Variants in GVQW3 observed in about 807,000 individuals in gnomAD.
The protein encoded by GVQW3 is protein GVQW3.
Under a neutral mutation model 12.5 loss-of-function variants are expected in GVQW3, and 7 were observed. The observed-to-expected ratio is 0.56, with a 90% CI of 0.32 to 1.05. The LOEUF (loss-of-function observed/expected upper bound fraction) is 1.05, where lower values mean the gene tolerates loss of function less well. Among genes scored for constraint, GVQW3 ranks in the 50% least tolerant of loss-of-function variants. The pLI is 0.04. For missense variants in GVQW3, 188 were observed against 190.8 expected (o/e 0.99, Z 0.09); for synonymous variants, 71 against 67.2 (o/e 1.06, Z -0.28).
intron 1 of GVQW3, among the ~76,000 whole-genome samples, chr11:76,401,082 A>G (rs1176117303): frequency 2.6e-5 from 4 of 151,158 alleles, no homozygotes; most frequent in African/African-American, 9.7e-5. Context: ...TATGTTGCCC[A>G]AGCTGCTCTT....
Position 76,382,166 on chromosome 11 carries a change from A to G in GVQW3, c.338A>G (p.Asn113Ser). 4 of 1,536,268 alleles carry G rather than the reference A, an allele frequency of 2.6e-6. No individual in the cohort carries two copies. The highest frequency in any genetic ancestry group is 3.5e-6 in the Non-Finnish European group (4 of 1,146,942). Residue 113 changes from asparagine (N) to serine (S), a missense_variant, in exon 1 of 2, where the codon AAC becomes AGC. Physicochemically the swap from Asn to Ser is conservative, Grantham distance 46. Transcript: ENST00000529331. ...AGGCTCATTTTGAAAGAAAACTTGAACATGAGGAAGATTTCTGCAAAAGTT... is the reference window on the plus strand; with the variant it reads ...AGGCTCATTTTGAAAGAAAACTTGAGCATGAGGAAGATTTCTGCAAAAGTT... Reference protein sequence around the residue: ...TVRLILKENLNMRKISAKVIS... With the variant: ...TVRLILKENLSMRKISAKVIS...
downstream of GVQW3, among the ~76,000 whole-genome samples, chr11:76,409,375 G>T (rs946679037): frequency 1.4e-4 from 22 of 152,154 alleles, no homozygotes; most frequent in African/African-American, 4.8e-4. Flanking sequence ...TTTAGGGGAA[G>T]AACTTTCTAT....
intron 1 of GVQW3, 93 bp downstream of exon 1, chr11:76,382,386 C>T: frequency 2.4e-6 from 2 of 825,180 alleles, no homozygotes; most frequent in Non-Finnish European, 4.0e-6. Context: ...ACTACTCTGC[C>T]AGTCAGCTTC....
At chr11:76,400,375 A>G (rs568219496) in intron 1 of GVQW3, among the ~76,000 whole-genome samples, 14 of 150,642 alleles carry the variant, frequency 9.3e-5, no homozygotes, top group African/African-American at 3.4e-4. Context: ...CAGCCTCCCA[A>G]AGTGCTGGGA....
At chr11:76,393,170 A>C (rs532973747) in intron 1 of GVQW3, among the ~76,000 whole-genome samples, 37 of 152,248 alleles carry the variant, frequency 2.4e-4, no homozygotes, top group Non-Finnish European at 4.0e-4. Context: ...AAAAATTAAA[A>C]ATTGTAGAAT....
At chr11:76,386,547 G>A (rs1441302286) in intron 1 of GVQW3, among the ~76,000 whole-genome samples, 4 of 152,214 alleles carry the variant, frequency 2.6e-5, no homozygotes, top group Non-Finnish European at 5.9e-5. Context: ...TTGGGGAATT[G>A]TCTGTCATTG....
intron 1 of GVQW3, among the ~76,000 whole-genome samples, chr11:76,401,038 TA>T (rs375129032): frequency 4.5e-4 from 66 of 147,144 alleles, no homozygotes; most frequent in Non-Finnish European, 6.4e-4. Context: ...TATATATATA[TA>T]TATTTTTTCT....
chr11:76,390,695 C>T (rs1393973381), intron 1 of GVQW3, among the ~76,000 whole-genome samples: 2 of 152,094 alleles, frequency 1.3e-5, no homozygotes, highest in South Asian at 2.1e-4. Flanking sequence ...GGCGCGGTGG[C>T]GGGCGCCTGT....
rs1391920320 is a variant in GVQW3, at chr11:76,403,788, C to T, written c.*30C>T. ...CCATGCCAAGCCAAAACCAGGAGTT[C>T]AATGGTGTAAATTCCAGTCTGAGTC... On this transcript the variant is annotated 3_prime_UTR_variant, in exon 2 of 2. Coordinates refer to ENST00000529331, the MANE Select transcript of GVQW3 (RefSeq NM_001347885.2). 2 of 589,640 alleles carry T rather than the reference C, an allele frequency of 3.4e-6. No homozygotes were observed. The highest frequency in any genetic ancestry group is 3.7e-5 in the African/African-American group (2 of 53,998). The allele number at this position is 589,640 out of a possible 1,614,324, so 36.5% of individuals were successfully genotyped here.
chr11:76,401,679 A>G (rs1352015247), intron 1 of GVQW3, among the ~76,000 whole-genome samples: 1 of 150,732 alleles, frequency 6.6e-6, no homozygotes, highest in Non-Finnish European at 1.5e-5. Context: ...AGGCTGAGGC[A>G]GGAGAACCAC....
intron 1 of GVQW3, among the ~76,000 whole-genome samples, chr11:76,398,605 G>T (rs148566589): frequency 6.6e-6 from 1 of 152,132 alleles, no homozygotes; most frequent in Non-Finnish European, 1.5e-5. Flanking sequence ...GAGCCACTGT[G>T]CCTGGCCTCA....
In GVQW3 at chr11:76,382,486, G is replaced by C. The variant is rs1355859888; in HGVS notation, c.465+193G>C. ...AGAGGAATGTGAGTTAGCTGAACCA[G>C]AACTAGGATGCTGCCTCACTGTTAG... On this transcript the variant is annotated intron_variant, in intron 1 of 1. Coordinates refer to ENST00000529331, the MANE Select transcript of GVQW3 (RefSeq NM_001347885.2). 4.8e-6 allele frequency: 3 copies of C among 627,396 alleles called. No individual in the cohort carries two copies. In the Admixed American group the frequency reaches 8.2e-5, roughly 17 times the overall value. The allele number at this position is 627,396 out of a possible 1,614,324, so 38.9% of individuals were successfully genotyped here.
chr11:76,390,606 C>T (rs543870534), intron 1 of GVQW3, among the ~76,000 whole-genome samples: 188 of 152,156 alleles, frequency 1.2e-3, no homozygotes, highest in Non-Finnish European at 1.9e-3. Flanking sequence ...GAGGCCGAGG[C>T]GGGTGGATCA....
At chr11:76,392,208 A>G (rs924824117) in intron 1 of GVQW3, 1 of 152,274 alleles carries the variant, frequency 6.6e-6, no homozygotes, top group Admixed American at 6.5e-5. Flanking sequence ...TCATCAACTA[A>G]GGGTGATTGT....
chr11:76,383,732 T>C (rs1430296044), intron 1 of GVQW3: 1 of 151,938 alleles, frequency 6.6e-6, no homozygotes, highest in African/African-American at 2.4e-5. Context: ...TGAGTGGAGA[T>C]TGCGCCACTG....
At chr11:76,390,365 T>G (rs1946879621) in intron 1 of GVQW3, among the ~76,000 whole-genome samples, 1 of 152,232 alleles carries the variant, frequency 6.6e-6, no homozygotes, top group Non-Finnish European at 1.5e-5. Context: ...AGTTAATTCA[T>G]CTGTAAAAGG....
At chr11:76,382,663 T>A in intron 1 of GVQW3, 1 of 504,594 alleles carries the variant, frequency 2.0e-6, no homozygotes, top group Non-Finnish European at 3.5e-6. Flanking sequence ...CCTTCTGGTA[T>A]TTGCTTGTTC....
At chr11:76,397,710 C>G (rs1279537309) in intron 1 of GVQW3, among the ~76,000 whole-genome samples, 1 of 152,166 alleles carries the variant, frequency 6.6e-6, no homozygotes, top group South Asian at 2.1e-4. Context: ...TGTATAAACA[C>G]AGGAGATACA....
Position 76,381,930 on chromosome 11 carries a change from G to C in GVQW3, c.102G>C (p.Gly34=). 5 of 1,536,404 alleles carry C rather than the reference G, an allele frequency of 3.3e-6. No homozygotes were observed. The highest frequency in any genetic ancestry group is 4.4e-6 in the Non-Finnish European group (5 of 1,146,980). The change falls in exon 1 of 2, where the codon GGG becomes GGC. Residue 34 remains glycine, a synonymous_variant. Coordinates refer to ENST00000529331, the MANE Select transcript of GVQW3 (RefSeq NM_001347885.2). ...ACCATCTTTTAAAAGAAGCTTATGG[G>C]GATGAAGTCATGTCAAGGGCCAGAG... ...ETHHLLKEAY[G]DEVMSRARVF...
Sources: allele counts gnomAD v4.1 joint callset (sites outside exome capture counted in the v4.1 genomes callset), GRCh38; gene constraint gnomAD v4.1.1; transcripts MANE v1.5; gene names NCBI Gene and HGNC (gene_info 2026-07-23, HGNC 2026-07-21).